The following XIRP2 variants were observed in gnomAD, a reference collection of about 807,000 sequenced individuals.
XIRP2 encodes the protein xin actin-binding repeat-containing protein 2.
A neutral mutation model predicts 277.0 loss-of-function variants in XIRP2; 236 were observed. The observed-to-expected ratio is 0.85, with a 90% CI of 0.77 to 0.95. The LOEUF (loss-of-function observed/expected upper bound fraction) is 0.95. Ranked by LOEUF, XIRP2 falls within the 40% of genes least tolerant of loss-of-function variation. The pLI is 0.00. For missense variants in XIRP2, 4,640 were observed against 4,157.5 expected, an observed-to-expected ratio of 1.12 and a Z score of -3.19; for synonymous variants, 1,490 against 1,416.5, an observed-to-expected ratio of 1.05 and a Z score of -1.17.
intron 2 of XIRP2, among the ~76,000 whole-genome samples, chr2:167,134,878 G>T (rs946998636): frequency 1.3e-5 from 2 of 152,108 alleles, no homozygotes; most frequent in Admixed American, 6.6e-5. Flanking sequence ...ACGGTGGGTA[G>T]TATGGACAAA....
chr2:167,117,778 A>G (rs1476645303), intron 2 of XIRP2, among the ~76,000 whole-genome samples: 1 of 152,218 alleles, frequency 6.6e-6, no homozygotes, highest in Non-Finnish European at 1.5e-5. Context: ...GCCTTTTAAA[A>G]TTTTATCATT....
At chr2:167,048,998 C>T (rs1359622309) in intron 2 of XIRP2, among the ~76,000 whole-genome samples, 1 of 151,872 alleles carries the variant, frequency 6.6e-6, no homozygotes, top group Non-Finnish European at 1.5e-5. Flanking sequence ...AGCCTCTTAG[C>T]TCCTCCCACT....
chr2:167,210,834 A>G lies in XIRP2; in HGVS notation c.662A>G (p.Glu221Gly), dbSNP rs376789186. The change falls in exon 4 of 11, where the codon GAG becomes GGG. Residue 221 changes from glutamate (E) to glycine (G), a missense_variant. Transcript: ENST00000409195. ...SDLHEVVSLK[E>G]RMARYQAAVS... is the part of the protein sequence containing the mutation. ...CTCCACGAAGTGGTCTCCCTGAAGG[A>G]GCGGATGGCGAGGTACCAGGCAGCT... The G allele has an allele frequency of 6.2e-7, 1 of 1,614,154 alleles. No homozygotes were observed. The highest frequency in any genetic ancestry group is 8.5e-7 in the Non-Finnish European group (1 of 1,180,022).
At chr2:167,089,770 A>C (rs1300649449) in intron 2 of XIRP2, among the ~76,000 whole-genome samples, 4 of 152,100 alleles carry the variant, frequency 2.6e-5, no homozygotes, top group Middle Eastern at 3.4e-3. Context: ...CCACAGCTAC[A>C]TTTTTTTTAA....
intron 2 of XIRP2, among the ~76,000 whole-genome samples, chr2:167,069,055 G>A (rs1036123484): frequency 1.3e-5 from 2 of 152,066 alleles, no homozygotes; most frequent in South Asian, 2.1e-4. Flanking sequence ...ACCAATGTTC[G>A]TGGGTGCTCA....
At chr2:167,015,781 G>C (rs1239976860) in intron 2 of XIRP2, among the ~76,000 whole-genome samples, 1 of 151,710 alleles carries the variant, frequency 6.6e-6, no homozygotes, top group East Asian at 1.9e-4. Flanking sequence ...AAATTTTTAA[G>C]TAGAGATGTT....
rs749210557 is a variant in XIRP2, at chr2:167,193,698, G to A, written c.563-17037G>A. On this transcript the variant is annotated intron_variant, in intron 3 of 10. Coordinates refer to ENST00000409195, the MANE Select transcript of XIRP2 (RefSeq NM_152381.6). ...TTCAACACCAGCCTAGCTAACATGG[G>A]GAAACCCCATCTCTACTAAAAATAC... is the stretch of plus-strand genomic sequence containing the variant. Among the ~76,000 whole-genome samples the A allele has an allele frequency of 5.3e-5, 8 of 151,874 alleles. No homozygotes were observed. In the East Asian group the frequency reaches 1.6e-3, roughly 30 times the overall value.
chr2:166,925,618 T>C (rs929736134), intron 2 of XIRP2, among the ~76,000 whole-genome samples: 1 of 142,570 alleles, frequency 7.0e-6, no homozygotes, highest in African/African-American at 2.7e-5. Context: ...TATATATATA[T>C]ATATATATAC....
At chr2:167,154,474 G>C (rs1487029452) in intron 3 of XIRP2, among the ~76,000 whole-genome samples, 1 of 150,790 alleles carries the variant, frequency 6.6e-6, no homozygotes, top group Non-Finnish European at 1.5e-5. Context: ...TAGACATGAA[G>C]TCCTTGCCCA....
In XIRP2 at chr2:166,888,884, A is replaced by C. The variant is rs1684024890; in HGVS notation, c.-19+327A>C. Among the ~76,000 whole-genome samples the C allele has an allele frequency of 2.0e-5, 3 of 152,206 alleles. No individual in the cohort carries two copies. The South Asian group carries it at 6.2e-4, about 31-fold the overall frequency. ...GTTTGGCTATATATTATATTTTTGG[A>C]CACTGAAAGATAGTCAGGGACTTCT... On this transcript the variant is annotated intron_variant, in intron 1 of 10. Coordinates refer to ENST00000409195, the MANE Select transcript of XIRP2 (RefSeq NM_152381.6).
chr2:167,259,195 G>A lies in XIRP2; in HGVS notation c.*1378G>A, dbSNP rs1055870206. ...AATTTGGAAAGGATGTTAAACCTTG[G>A]CATGTTGAAACAACAGAAGCTGCCC... On this transcript the variant is annotated 3_prime_UTR_variant, in exon 11 of 11. Coordinates refer to ENST00000409195, the MANE Select transcript of XIRP2 (RefSeq NM_152381.6). The A allele has an allele frequency of 6.2e-7, 1 of 1,613,488 alleles. No homozygotes were observed. Among genetic ancestry groups the A allele is most frequent in the Non-Finnish European group, 8.5e-7 (1 of 1,179,678 alleles).
intron 2 of XIRP2, among the ~76,000 whole-genome samples, chr2:167,082,973 A>T (rs933747925): frequency 7.9e-5 from 12 of 152,040 alleles, no homozygotes; most frequent in East Asian, 1.9e-4. Flanking sequence ...CAATTTTGTC[A>T]TTTGTTGCCA....
intron 5 of XIRP2, among the ~76,000 whole-genome samples, chr2:167,236,700 T>C (rs762424031): frequency 1.1e-4 from 17 of 152,152 alleles, no homozygotes; most frequent in Non-Finnish European, 1.8e-4. Flanking sequence ...TACTGGTTAA[T>C]TGACCTGTGA....
chr2:167,133,254 G>A (rs902100695), intron 2 of XIRP2, among the ~76,000 whole-genome samples: 3 of 152,164 alleles, frequency 2.0e-5, no homozygotes, highest in African/African-American at 7.2e-5. Context: ...AACAGATTAC[G>A]AGAGATTAAA....
At chr2:167,230,918 C>T (rs1426491186) in intron 5 of XIRP2, among the ~76,000 whole-genome samples, 3 of 152,028 alleles carry the variant, frequency 2.0e-5, no homozygotes, top group African/African-American at 7.2e-5. Flanking sequence ...CTTACTTGAA[C>T]CAGTAATGAA....
intron 5 of XIRP2, 53 bp from the exon 6 acceptor site, chr2:167,239,802 G>C (rs775972461): frequency 2.0e-6 from 3 of 1,500,990 alleles, no homozygotes; most frequent in Admixed American, 4.4e-5. Flanking sequence ...AATAAAAAAA[G>C]TTAAAATTTT....
intron 2 of XIRP2, among the ~76,000 whole-genome samples, chr2:167,076,278 C>T (rs1299551954): frequency 6.6e-6 from 1 of 152,042 alleles, no homozygotes; most frequent in Non-Finnish European, 1.5e-5. Context: ...GGCATCCAGG[C>T]AATTTCTGTC....
chr2:166,915,141 C>CA (rs916428720), intron 2 of XIRP2, among the ~76,000 whole-genome samples: 107 of 145,314 alleles, frequency 7.4e-4, no homozygotes, highest in African/African-American at 2.3e-3. Flanking sequence ...ACTAAAAATA[C>CA]AAAAAAAAAA....
chr2:167,241,846 A>C lies in XIRP2; in HGVS notation c.1112A>C (p.Lys371Thr), dbSNP rs1479883396. The C allele has an allele frequency of 6.2e-7, 1 of 1,613,672 alleles. No individual in the cohort carries two copies. Among genetic ancestry groups the C allele is most frequent in the Admixed American group, 1.7e-5 (1 of 59,976 alleles). Residue 371 changes from lysine (K) to threonine (T), a missense_variant, in exon 8 of 11, where the codon AAG becomes ACG. Coordinates refer to ENST00000409195, the MANE Select transcript of XIRP2 (RefSeq NM_152381.6). ...STKLLKEQFE[K>T]SAQEKILYSD... ...AAGTTGTTAAAAGAGCAGTTTGAAAAGTCTGCCCAGGAAAAGATCCTTTAT... is the reference window on the plus strand; with the variant it reads ...AAGTTGTTAAAAGAGCAGTTTGAAACGTCTGCCCAGGAAAAGATCCTTTAT...
Sources: gnomAD v4.1 joint callset for allele counts (sites outside exome capture counted in the v4.1 genomes callset) on GRCh38, gnomAD v4.1.1 for gene constraint, MANE v1.5 for transcripts, NCBI Gene and HGNC (gene_info 2026-07-23, HGNC 2026-07-21) for gene names.